The following CLDN10 variants were observed in gnomAD, a reference collection of about 807,000 sequenced individuals.
CLDN10 encodes the protein claudin-10.
CLDN10 carries 15 observed loss-of-function variants against 22.9 expected under a neutral mutation model. The observed-to-expected ratio is 0.65, with a 90% CI of 0.44 to 1.01. CLDN10 has a LOEUF of 1.01. Ranked by LOEUF, CLDN10 falls within the 50% of genes least tolerant of loss-of-function variation. CLDN10 has a pLI of 0.00. For synonymous variants in CLDN10, 114 were observed against 111.4 expected (o/e 1.02, Z -0.15); for missense variants, 247 against 287.8 (o/e 0.86, Z 1.03).
intron 1 of CLDN10, among the ~76,000 whole-genome samples, chr13:95,440,014 AGC>A (rs1477803166): frequency 6.6e-6 from 1 of 151,970 alleles, no homozygotes; most frequent in Admixed American, 6.6e-5. Flanking sequence ...CCCAGGTTCA[AGC>A]GATTCTCCTG....
intron 1 of CLDN10, among the ~76,000 whole-genome samples, chr13:95,439,782 A>T (rs1303554528): frequency 6.6e-6 from 1 of 152,256 alleles, no homozygotes; most frequent in East Asian, 1.9e-4. Context: ...ACAAAGAGTC[A>T]CAACATAGCA....
At chr13:95,468,643 T>C (rs559575495) in intron 1 of CLDN10, among the ~76,000 whole-genome samples, 1 of 152,188 alleles carries the variant, frequency 6.6e-6, no homozygotes, top group South Asian at 2.1e-4. Context: ...GGAGGATCAT[T>C]TGAACCCCAG....
At chr13:95,435,210 T>C (rs1300503241) in intron 1 of CLDN10, among the ~76,000 whole-genome samples, 1 of 152,240 alleles carries the variant, frequency 6.6e-6, no homozygotes, top group East Asian at 1.9e-4. Flanking sequence ...TTCTGCAAAT[T>C]TGATACATTT....
chr13:95,570,386 T>C (rs1478329171), intron 3 of CLDN10, among the ~76,000 whole-genome samples: 1 of 152,246 alleles, frequency 6.6e-6, no homozygotes, highest in Non-Finnish European at 1.5e-5. Flanking sequence ...AATTGAACTA[T>C]GTGACTTTTG....
chr13:95,488,978 A>AGT (rs2042838700), intron 1 of CLDN10, among the ~76,000 whole-genome samples: 1 of 88,710 alleles, frequency 1.1e-5, no homozygotes, highest in East Asian at 3.4e-4. Flanking sequence ...TTTGAAACGG[A>AGT]GTTTCTCTCG....
intron 1 of CLDN10, among the ~76,000 whole-genome samples, chr13:95,488,950 C>CTTTTTTTTTTTT (rs58919737): frequency 2.3e-4 from 25 of 110,714 alleles, no homozygotes; most frequent in Non-Finnish European, 3.4e-4. Context: ...ACTTTTTGTT[C>CTTTTTTTTTTTT]TTTTTTTTTT....
At chr13:95,533,704 G>A (rs2043370648) in intron 1 of CLDN10, 1 of 152,166 alleles carries the variant, frequency 6.6e-6, no homozygotes, top group African/African-American at 2.4e-5. Flanking sequence ...TTACCTGCAG[G>A]GGCCACACTC....
chr13:95,433,940 C>A lies in CLDN10; in HGVS notation c.107C>A (p.Ser36Ter), dbSNP rs765511486. ...TGGAAAGTGACCACGCGAGCCTCCT[C>A]GGTGATAACAGCCACTTGGGTTTAC... Residue 36 changes from serine to a stop codon, truncating the protein, a stop_gained, in exon 1 of 5, where the codon TCG becomes TAG. Coordinates refer to the CLDN10 transcript ENST00000376873. LOFTEE classifies it high-confidence loss of function. 1.2e-6 allele frequency: 2 copies of A among 1,614,176 alleles called. No homozygotes were observed. The highest frequency in any genetic ancestry group is 8.5e-7 in the Non-Finnish European group (1 of 1,180,040).
intron 1 of CLDN10, among the ~76,000 whole-genome samples, chr13:95,488,130 G>A (rs2078932914): frequency 2.0e-5 from 3 of 150,958 alleles, no homozygotes; most frequent in African/African-American, 4.9e-5. Flanking sequence ...GATTACCAGC[G>A]CCTGCCACCA....
chr13:95,557,416 T>C (rs1325883334), intron 1 of CLDN10, among the ~76,000 whole-genome samples: 6 of 152,132 alleles, frequency 3.9e-5, no homozygotes, highest in Non-Finnish European at 7.4e-5. Flanking sequence ...TCTGTGGGTG[T>C]TGTAAGGACT....
exon 1 of CLDN10, chr13:95,433,982 A>T: frequency 1.2e-6 from 2 of 1,614,226 alleles, no homozygotes; most frequent in Non-Finnish European, 1.7e-6. Context: ...CTGTGGATGA[A>T]CTGCGCAGGT....
chr13:95,551,545 G>A (rs900470781), upstream of CLDN10, among the ~76,000 whole-genome samples: 17 of 152,042 alleles, frequency 1.1e-4, no homozygotes, highest in Non-Finnish European at 1.6e-4. Context: ...AAGTGACAAA[G>A]GGAAATTAAG....
intron 1 of CLDN10, among the ~76,000 whole-genome samples, chr13:95,441,815 C>T (rs2042326986): frequency 6.6e-6 from 1 of 152,150 alleles, no homozygotes; most frequent in African/African-American, 2.4e-5. Flanking sequence ...GGGTCTTAAT[C>T]CCTCTGAGCT....
chr13:95,504,371 TTTTTA>T (rs1436746035), intron 1 of CLDN10, among the ~76,000 whole-genome samples: 3 of 152,150 alleles, frequency 2.0e-5, no homozygotes, highest in Non-Finnish European at 4.4e-5. Context: ...ATTCCTTAAT[TTTTTA>T]TTTTATTTTA....
chr13:95,550,820 C>CTTT (rs56225257), upstream of CLDN10, among the ~76,000 whole-genome samples: 28 of 85,548 alleles, frequency 3.3e-4, 1 homozygote, highest in Non-Finnish European at 5.1e-4. Flanking sequence ...TAGGAAGATA[C>CTTT]TTTTTTTTTT....
chr13:95,495,138 C>G (rs112760234), intron 1 of CLDN10, among the ~76,000 whole-genome samples: 5,558 of 151,526 alleles, frequency 0.037, 342 homozygotes, highest in African/African-American at 0.13. Flanking sequence ...TGAGTTCAAG[C>G]GATGCTTCTG....
chr13:95,470,490 T>A (rs547283976), intron 1 of CLDN10, among the ~76,000 whole-genome samples: 1 of 152,180 alleles, frequency 6.6e-6, no homozygotes, highest in South Asian at 2.1e-4. Context: ...TAGTAACCAT[T>A]TACACAAAGA....
At chr13:95,443,564 C>T (rs1035734886) in intron 1 of CLDN10, among the ~76,000 whole-genome samples, 1 of 152,026 alleles carries the variant, frequency 6.6e-6, no homozygotes, top group Non-Finnish European at 1.5e-5. Context: ...AAACCATGTT[C>T]CTGAGTCCTT....
At chr13:95,443,325 A>C (rs1017233019) in intron 1 of CLDN10, among the ~76,000 whole-genome samples, 4 of 152,246 alleles carry the variant, frequency 2.6e-5, no homozygotes, top group African/African-American at 7.2e-5. Flanking sequence ...TACATGCTTC[A>C]AAAGCTGGTG....
Sources: gnomAD v4.1 joint callset for allele counts (sites outside exome capture counted in the v4.1 genomes callset) on GRCh38, gnomAD v4.1.1 for gene constraint, MANE v1.5 for transcripts, NCBI Gene and HGNC (gene_info 2026-07-23, HGNC 2026-07-21) for gene names.